Variants in DGKB observed in about 807,000 individuals in gnomAD.
The protein encoded by DGKB is diacylglycerol kinase beta.
In DGKB, 67 loss-of-function variants were observed where a neutral mutation model predicts 114.3. The ratio of observed to expected loss-of-function variants is 0.59; its 90% confidence interval spans 0.48 to 0.72. The LOEUF (loss-of-function observed/expected upper bound fraction) is 0.72, where lower values mean the gene tolerates loss of function less well. DGKB is among the 30% of genes least tolerant of loss of function. The pLI is 0.00. For synonymous variants in DGKB, 398 were observed against 323.1 expected, an observed-to-expected ratio of 1.23 and a Z score of -2.49; for missense variants, 907 against 975.2, an observed-to-expected ratio of 0.93 and a Z score of 0.93.
chr7:14,639,550 G>A (rs1231135580), intron 13 of DGKB, among the ~76,000 whole-genome samples: 1 of 152,162 alleles, frequency 6.6e-6, no homozygotes, highest in Non-Finnish European at 1.5e-5. Context: ...AATAGGCTGT[G>A]CCAGGAGGCC....
intron 20 of DGKB, among the ~76,000 whole-genome samples, chr7:14,540,071 T>C (rs1482081928): frequency 6.6e-6 from 1 of 152,058 alleles, no homozygotes; most frequent in Non-Finnish European, 1.5e-5. Flanking sequence ...AAAATATTTA[T>C]TAACATGCAC....
chr7:14,877,893 T>G (rs905065412), intron 1 of DGKB, among the ~76,000 whole-genome samples: 1 of 152,304 alleles, frequency 6.6e-6, no homozygotes, highest in Non-Finnish European at 1.5e-5. Flanking sequence ...CTCCCAGCTT[T>G]GAGGGAGTGA....
chr7:14,817,935 C>CAA (rs58195416), intron 2 of DGKB, among the ~76,000 whole-genome samples: 149 of 147,684 alleles, frequency 1.0e-3, no homozygotes, highest in South Asian at 1.3e-3. Flanking sequence ...ATTCTGGTGA[C>CAA]AAAAAAAAAA....
chr7:14,587,755 C>T (rs1357163833), intron 17 of DGKB, among the ~76,000 whole-genome samples: 1 of 152,086 alleles, frequency 6.6e-6, no homozygotes, highest in Admixed American at 6.6e-5. Flanking sequence ...ATTATGACTC[C>T]CTGGAGGCTC....
At chr7:14,515,796 A>G (rs754493591) in intron 20 of DGKB, among the ~76,000 whole-genome samples, 1 of 152,210 alleles carries the variant, frequency 6.6e-6, no homozygotes, top group African/African-American at 2.4e-5. Context: ...TAGTTATTAC[A>G]GAACTATAAG....
In DGKB at chr7:14,770,869, C is replaced by T. The variant is rs561491531; in HGVS notation, c.71-13138G>A. On this transcript the variant is annotated intron_variant, in intron 2 of 25. Coordinates refer to ENST00000402815, the MANE Select transcript of DGKB (RefSeq NM_001350709.2). ...ATATTAAAAGCGGATAGAGCCAGTG[C>T]TCTTATACAAAGGGTGGAATGTAAC... Among the ~76,000 whole-genome samples the T allele has an allele frequency of 3.9e-5, 6 of 152,208 alleles. No individual in the cohort carries two copies. In the South Asian group the frequency reaches 1.0e-3, roughly 26 times the overall value.
intron 2 of DGKB, among the ~76,000 whole-genome samples, chr7:14,785,524 T>C (rs1395125320): frequency 5.3e-5 from 8 of 151,974 alleles, no homozygotes; most frequent in Non-Finnish European, 5.9e-5. Context: ...TTAAATTAAA[T>C]TATATCCATT....
At chr7:14,771,121 G>A (rs1586376817) in intron 2 of DGKB, among the ~76,000 whole-genome samples, 1 of 152,200 alleles carries the variant, frequency 6.6e-6, no homozygotes, top group South Asian at 2.1e-4. Flanking sequence ...CTGGCACCTG[G>A]ACCCATCTGG....
intron 2 of DGKB, among the ~76,000 whole-genome samples, chr7:14,811,564 G>T (rs1402074304): frequency 6.6e-6 from 1 of 152,062 alleles, no homozygotes; most frequent in Non-Finnish European, 1.5e-5. Flanking sequence ...CTTTTCATAT[G>T]ATTTGTAATT....
intron 1 of DGKB, among the ~76,000 whole-genome samples, chr7:14,930,494 G>A (rs538917660): frequency 1.3e-5 from 2 of 152,042 alleles, no homozygotes; most frequent in South Asian, 4.2e-4. Flanking sequence ...TTGCCTTTTT[G>A]AATTTGTTTT....
chr7:14,299,231 G>A (rs929177955), intron 23 of DGKB, among the ~76,000 whole-genome samples: 2 of 152,052 alleles, frequency 1.3e-5, no homozygotes, highest in Admixed American at 1.3e-4. Context: ...GTAAGTAGAA[G>A]CAGATAGAAA....
At chr7:14,647,799 A>C (rs1813394990) in intron 13 of DGKB, among the ~76,000 whole-genome samples, 2 of 152,226 alleles carry the variant, frequency 1.3e-5, no homozygotes, top group Non-Finnish European at 2.9e-5. Context: ...ACCATGCGCG[A>C]GCCGAAGCAG....
At chr7:14,336,675 T>C (rs765111813) in intron 23 of DGKB, among the ~76,000 whole-genome samples, 21 of 152,236 alleles carry the variant, frequency 1.4e-4, no homozygotes, top group African/African-American at 3.4e-4. Flanking sequence ...ATGACAATAT[T>C]TGAGTCTGGT....
At chr7:14,338,278 T>C (rs1253915515) in intron 23 of DGKB, among the ~76,000 whole-genome samples, 1 of 152,146 alleles carries the variant, frequency 6.6e-6, no homozygotes, top group Non-Finnish European at 1.5e-5. Flanking sequence ...AAATGTATTT[T>C]ATTTTCTGTG....
intron 1 of DGKB, among the ~76,000 whole-genome samples, chr7:14,953,540 G>A (rs879644587): frequency 2.0e-5 from 3 of 151,978 alleles, no homozygotes; most frequent in Non-Finnish European, 4.4e-5. Context: ...AATAAAGACA[G>A]GTAATAACAG....
chr7:14,660,306 T>A (rs557118075), intron 13 of DGKB, among the ~76,000 whole-genome samples: 2 of 151,894 alleles, frequency 1.3e-5, no homozygotes, highest in Non-Finnish European at 2.9e-5. Context: ...TCAGAAGGAA[T>A]GGTACCAGTT....
At chr7:14,949,295 T>C (rs550767832) in intron 1 of DGKB, among the ~76,000 whole-genome samples, 28 of 152,002 alleles carry the variant, frequency 1.8e-4, no homozygotes, top group African/African-American at 5.6e-4. Flanking sequence ...AGATGACTTA[T>C]AGCAAAGGGT....
At chr7:14,351,467 C>T (rs1317734441) in intron 21 of DGKB, among the ~76,000 whole-genome samples, 3 of 152,160 alleles carry the variant, frequency 2.0e-5, no homozygotes, top group African/African-American at 4.8e-5. Context: ...AGGGAGGATA[C>T]ATTTGTAGTT....
intron 9 of DGKB, among the ~76,000 whole-genome samples, chr7:14,693,786 G>A (rs1045582336): frequency 1.1e-4 from 17 of 151,762 alleles, no homozygotes; most frequent in African/African-American, 3.9e-4. Context: ...AATATGAGGA[G>A]GTCAGTAACT....
Sources: gnomAD v4.1 joint callset for allele counts (sites outside exome capture counted in the v4.1 genomes callset) on GRCh38, gnomAD v4.1.1 for gene constraint, MANE v1.5 for transcripts, NCBI Gene and HGNC (gene_info 2026-07-23, HGNC 2026-07-21) for gene names.